CAMTA1: variants seen among roughly 807,000 people sequenced by gnomAD.
CAMTA1 encodes the protein calmodulin binding transcription activator 1.
In CAMTA1, 27 loss-of-function variants were observed where a neutral mutation model predicts 170.9. That is an observed-to-expected ratio of 0.16 (90% CI 0.12 to 0.22). CAMTA1 has a LOEUF of 0.22. Among genes scored for constraint, CAMTA1 ranks in the 10% least tolerant of loss-of-function variants. The probability of loss-of-function intolerance (pLI) is 1.00; values close to 1 mark genes in which losing one functional copy is unlikely to be tolerated. For missense variants in CAMTA1, 1,619 were observed against 2,217.2 expected (o/e 0.73, Z 5.42); for synonymous variants, 833 against 891.5 (o/e 0.93, Z 1.17).
chr1:7,111,885 C>CAAAA (rs66460647), intron 4 of CAMTA1, among the ~76,000 whole-genome samples: 2 of 75,634 alleles, frequency 2.6e-5, no homozygotes, highest in African/African-American at 9.1e-5. Flanking sequence ...ACTCCATCTC[C>CAAAA]AAAAAAAAAA....
intron 1 of CAMTA1, chr1:6,807,013 CT>C: frequency 1.5e-6 from 1 of 668,778 alleles, no homozygotes; most frequent in Non-Finnish European, 2.7e-6. Context: ...AGTCTCTGTC[CT>C]TATGGAGCTA....
At chr1:7,159,353 G>A (rs1029764558) in intron 4 of CAMTA1, among the ~76,000 whole-genome samples, 1 of 151,932 alleles carries the variant, frequency 6.6e-6, no homozygotes, top group Non-Finnish European at 1.5e-5. Flanking sequence ...CCTCAAGTCC[G>A]GTCACCTTCC....
Position 7,737,463 on chromosome 1 carries a change from C to T in CAMTA1, c.3551C>T (p.Ala1184Val). ...CAGAACCCCAGAATCCACTGTCCTG[C>T]AAGCGAAGAGCCCAGCACAGAGAGC... Reference protein sequence around the residue: ...LGQNPRIHCPASEEPSTESWM... With the variant: ...LGQNPRIHCPVSEEPSTESWM... Residue 1184 changes from alanine (A) to valine (V), a missense_variant, in exon 15 of 23, where the codon GCA (alanine) becomes GTA (valine). Ala to Val is a moderately conservative substitution (Grantham distance 64, BLOSUM62 0). Coordinates refer to ENST00000303635, the MANE Select transcript of CAMTA1 (RefSeq NM_015215.4). 1 of 1,614,104 alleles carries T rather than the reference C, an allele frequency of 6.2e-7. No individual in the cohort carries two copies. Among genetic ancestry groups the T allele is most frequent in the Non-Finnish European group, 8.5e-7 (1 of 1,179,974 alleles).
In CAMTA1 at chr1:7,680,811, G is replaced by GA. The variant is rs553259659; in HGVS notation, c.2914+3078_2914+3079insA. ...AATTTGTTTGCTTGGCTAAAGGCCG[G>GA]GGGGGGGCGTGGGTCCGGGGCGCAG... On this transcript the variant is annotated intron_variant, in intron 11 of 22. Coordinates refer to ENST00000303635, the MANE Select transcript of CAMTA1 (RefSeq NM_015215.4). This position sits in a 1 kb window ranked among gnomAD's most constrained non-coding sequence, Gnocchi z 4.4. Among the ~76,000 whole-genome samples the GA allele has an allele frequency of 3.6e-5, 4 of 111,854 alleles. No individual in the cohort carries two copies. The highest frequency in any genetic ancestry group is 1.3e-4 in the African/African-American group (4 of 31,206). 73.4% of individuals were successfully genotyped at this position (111,854 alleles called of 152,430 possible).
chr1:7,202,447 T>C (rs1656885785), intron 4 of CAMTA1, among the ~76,000 whole-genome samples: 1 of 152,200 alleles, frequency 6.6e-6, no homozygotes, highest in Non-Finnish European at 1.5e-5. Context: ...CTCACAGAGA[T>C]TGAATTGACT....
intron 6 of CAMTA1, among the ~76,000 whole-genome samples, chr1:7,538,695 C>A (rs1306632763): frequency 6.6e-6 from 1 of 152,182 alleles, no homozygotes; most frequent in African/African-American, 2.4e-5. Flanking sequence ...GACCTCAGAC[C>A]CCAACAAACT....
intron 3 of CAMTA1, among the ~76,000 whole-genome samples, chr1:7,059,426 T>C (rs1261915497): frequency 6.6e-6 from 1 of 152,128 alleles, no homozygotes; most frequent in Non-Finnish European, 1.5e-5. Context: ...GAGGCCAGCC[T>C]GGACGATATA....
Position 6,887,909 on chromosome 1 carries a change from A to G in CAMTA1, c.234+62699A>G, listed in dbSNP as rs1673660238. 1 of 1,366,584 alleles carries G rather than the reference A, an allele frequency of 7.3e-7. No homozygotes were observed. The highest frequency in any genetic ancestry group is 9.5e-7 in the Non-Finnish European group (1 of 1,056,084). The allele number at this position is 1,366,584 out of a possible 1,614,324, so 84.7% of individuals were successfully genotyped here. ...ACCTACTCTTGCCTCATCCGGAGTT[A>G]TTACGAAGGAGCTCCGCAGCCTGAC... On this transcript the variant is annotated intron_variant, in intron 3 of 22. Coordinates refer to ENST00000303635, the MANE Select transcript of CAMTA1 (RefSeq NM_015215.4). The surrounding 1 kb of genome is among the most constrained non-coding windows in gnomAD (Gnocchi z 4.1).
chr1:7,372,782 C>T lies in CAMTA1; in HGVS notation c.439-95048C>T, dbSNP rs539566664. On this transcript the variant is annotated intron_variant, in intron 5 of 22. Transcript: ENST00000303635. ...ATGCACAGAGAGATGAGACACGTGG[C>T]TTCCGGTTGCAGAGCTAGTCGGCAA... Among the ~76,000 whole-genome samples, 10 of 152,328 alleles carry T rather than the reference C, an allele frequency of 6.6e-5. No homozygotes were observed. In the East Asian group the frequency reaches 9.6e-4, roughly 15 times the overall value.
In CAMTA1 at chr1:7,065,881, G is replaced by C. The variant is rs995231322; in HGVS notation, c.235-25423G>C. On this transcript the variant is annotated intron_variant, in intron 3 of 22. Transcript: ENST00000303635. The surrounding 1 kb of genome is among the most constrained non-coding windows in gnomAD (Gnocchi z 5.2). ...TTGTGAAAGAGTAAAGCAGTCTTAA[G>C]ACTGGGTGTGAAATGGAGAAGAACG... is the stretch of plus-strand genomic sequence containing the variant. Among the ~76,000 whole-genome samples, 1 of 152,194 alleles carries C rather than the reference G, an allele frequency of 6.6e-6. No individual in the cohort carries two copies. The highest frequency in any genetic ancestry group is 1.5e-5 in the Non-Finnish European group (1 of 68,034).
chr1:7,729,114 C>CTTTTTTTTTTTTTTTTTTTTTTT (rs146252158), intron 11 of CAMTA1, among the ~76,000 whole-genome samples: 3 of 142,278 alleles, frequency 2.1e-5, no homozygotes, highest in African/African-American at 5.1e-5. Context: ...TATGAGGAAT[C>CTTTTTTTTTTTTTTTTTTTTTTT]TTTTTTTTTC....
At chr1:6,927,272 A>C (rs1379701264) in intron 3 of CAMTA1, among the ~76,000 whole-genome samples, 2 of 152,018 alleles carry the variant, frequency 1.3e-5, no homozygotes, top group African/African-American at 4.8e-5. Context: ...GGCCTCAAGC[A>C]ATCGACCACG....
chr1:7,471,913 G>A (rs983843162), intron 6 of CAMTA1, among the ~76,000 whole-genome samples: 1 of 152,230 alleles, frequency 6.6e-6, no homozygotes, highest in African/African-American at 2.4e-5. Context: ...AGGGGACCAG[G>A]CCCCCATTCC....
At chr1:7,397,459 T>C (rs890435599) in intron 5 of CAMTA1, among the ~76,000 whole-genome samples, 4 of 152,082 alleles carry the variant, frequency 2.6e-5, no homozygotes, top group African/African-American at 9.7e-5. Flanking sequence ...AAACCAACCT[T>C]TATTTTGTTG....
chr1:7,130,859 T>C (rs1645207299), intron 4 of CAMTA1, among the ~76,000 whole-genome samples: 1 of 152,242 alleles, frequency 6.6e-6, no homozygotes, highest in African/African-American at 2.4e-5. Flanking sequence ...TGTATTCCTA[T>C]TACTGAGTTG....
chr1:7,130,240 A>G (rs1645173814), intron 4 of CAMTA1, among the ~76,000 whole-genome samples: 1 of 152,190 alleles, frequency 6.6e-6, no homozygotes, highest in African/African-American at 2.4e-5. Flanking sequence ...TGCCCAGTCA[A>G]ATCTACCTTC....
chr1:7,601,076 T>C (rs2095436922), intron 6 of CAMTA1, among the ~76,000 whole-genome samples: 1 of 150,478 alleles, frequency 6.6e-6, no homozygotes, highest in Non-Finnish European at 1.5e-5. Flanking sequence ...GAGGTGCCCC[T>C]CACCTCCCGG....
rs1644457853 is a variant in CAMTA1, at chr1:7,118,363, G to A, written c.302+26992G>A. On this transcript the variant is annotated intron_variant, in intron 4 of 22. Coordinates refer to ENST00000303635, the MANE Select transcript of CAMTA1 (RefSeq NM_015215.4). ...GCTGGAGTGCAGTGGTGCAGTCTTG[G>A]CTCACTGCAACCTCGATCTCCTGGG... Among the ~76,000 whole-genome samples, 8 of 149,082 alleles carry A rather than the reference G, an allele frequency of 5.4e-5. No individual in the cohort carries two copies. In the Admixed American group the frequency reaches 5.4e-4, roughly 10 times the overall value.
chr1:7,275,156 AAAAAAAAG>A (rs1461576096), intron 5 of CAMTA1, among the ~76,000 whole-genome samples: 2 of 150,672 alleles, frequency 1.3e-5, no homozygotes, highest in Non-Finnish European at 3.0e-5. Flanking sequence ...CAAAAAAAAA[AAAAAAAAG>A]AAGAAAGAAA....
Sources: gnomAD v4.1 joint callset for allele counts (sites outside exome capture counted in the v4.1 genomes callset) on GRCh38, gnomAD v4.1.1 for gene constraint, Gnocchi (gnomAD v3.1) non-coding constraint, MANE v1.5 for transcripts, NCBI Gene and HGNC (gene_info 2026-07-23, HGNC 2026-07-21) for gene names.